Variants in PALM2AKAP2 observed in about 807,000 individuals in gnomAD.
PALM2AKAP2 encodes the protein PALM2-AKAP2 fusion protein.
Under a neutral mutation model 71.5 loss-of-function variants are expected in PALM2AKAP2, and 37 were observed. The observed-to-expected ratio is 0.52, with a 90% CI of 0.40 to 0.68. The LOEUF (loss-of-function observed/expected upper bound fraction) is 0.68. Among genes scored for constraint, PALM2AKAP2 ranks in the 30% least tolerant of loss-of-function variants. PALM2AKAP2 has a pLI of 0.00. For synonymous variants in PALM2AKAP2, 468 were observed against 478.8 expected (o/e 0.98, Z 0.29); for missense variants, 1,224 against 1,191.8 (o/e 1.03, Z -0.40).
chr9:109,781,076 C>G (rs950810869), intron 1 of PALM2AKAP2, among the ~76,000 whole-genome samples: 5 of 152,224 alleles, frequency 3.3e-5, no homozygotes, highest in African/African-American at 1.2e-4. Flanking sequence ...CCCTGGAGGT[C>G]TGGGGACTTC....
intron 1 of PALM2AKAP2, among the ~76,000 whole-genome samples, chr9:110,114,673 T>G (rs1018199881): frequency 1.3e-5 from 2 of 151,628 alleles, no homozygotes; most frequent in Non-Finnish European, 2.9e-5. Context: ...GAACAAAGAG[T>G]CTAAAACCTA....
At chr9:110,138,682 A>C in intron 2 of PALM2AKAP2, 143 bp downstream of exon 8, 2 of 1,427,670 alleles carry the variant, frequency 1.4e-6, no homozygotes, top group South Asian at 3.1e-5. Context: ...ATTCCAGCAT[A>C]CAGGGACATG....
chr9:109,960,587 G>A (rs1265516582), intron 6 of PALM2AKAP2, among the ~76,000 whole-genome samples: 1 of 152,138 alleles, frequency 6.6e-6, no homozygotes, highest in Admixed American at 6.5e-5. Flanking sequence ...AGTCTAGTCT[G>A]CACAACATAG....
rs187690881 is a variant in PALM2AKAP2 at position 109,945,415 on chromosome 9, G to T, written c.496+13387G>T. 3.3e-5 allele frequency: 5 copies of T among 152,274 alleles called. No individual in the cohort carries two copies. The East Asian group carries it at 9.6e-4, about 29-fold the overall frequency. The allele number at this position is 152,274 out of a possible 1,614,324, so 9.4% of individuals were successfully genotyped here. ...AAAGCAGCTGCAATGGAATAAAATT[G>T]CTATTTTATCGAGAAACCTGGTTTG... On this transcript the variant is annotated intron_variant, in intron 6 of 9. Transcript: ENST00000302798.
intron 1 of PALM2AKAP2, among the ~76,000 whole-genome samples, chr9:109,826,311 A>C (rs893605214): frequency 1.3e-5 from 2 of 152,160 alleles, no homozygotes; most frequent in African/African-American, 4.8e-5. Context: ...ACATGTATAC[A>C]TATGTAACAA....
intron 7 of PALM2AKAP2, among the ~76,000 whole-genome samples, chr9:110,043,176 C>G (rs988522542): frequency 7.9e-5 from 12 of 152,238 alleles, no homozygotes; most frequent in Admixed American, 7.9e-4. Context: ...CACCAACTCA[C>G]ACATAAACCC....
intron 6 of PALM2AKAP2, among the ~76,000 whole-genome samples, chr9:109,980,358 C>G (rs538418872): frequency 9.8e-5 from 15 of 152,286 alleles, no homozygotes; most frequent in African/African-American, 3.4e-4. Context: ...AAACTGCTCA[C>G]ATTCTTTTGC....
At chr9:109,838,766 A>G (rs1828561964) in intron 1 of PALM2AKAP2, among the ~76,000 whole-genome samples, 5 of 152,360 alleles carry the variant, frequency 3.3e-5, no homozygotes, top group Admixed American at 2.6e-4. Context: ...CAAATAAACT[A>G]GAAAATCTAG....
intron 3 of PALM2AKAP2, among the ~76,000 whole-genome samples, chr9:109,892,446 T>C (rs1289557404): frequency 6.6e-6 from 1 of 152,210 alleles, no homozygotes; most frequent in Non-Finnish European, 1.5e-5. Context: ...AAGGTCATAT[T>C]CATAGGTTCT....
At chr9:110,165,385 C>G (rs556156368) in intron 3 of PALM2AKAP2, among the ~76,000 whole-genome samples, 38 of 151,782 alleles carry the variant, frequency 2.5e-4, no homozygotes, top group Admixed American at 1.4e-3. Context: ...TTTGAATCTT[C>G]TGAAGACCAG....
chr9:110,001,206 G>T (rs1832675449), intron 6 of PALM2AKAP2, among the ~76,000 whole-genome samples: 1 of 152,150 alleles, frequency 6.6e-6, no homozygotes, highest in African/African-American at 2.4e-5. Flanking sequence ...TGTAAGGAAG[G>T]GATCCAGTTT....
At position 110,157,390 on chromosome 9, in the gene PALM2AKAP2, TTTGTTGTTG is replaced by T. The variant is rs56310157; in HGVS notation, c.2748+912_2748+920del. ...GGTTATTAATATCCCCTTCAACTCTTTTGTTGTTGTTGTTGTTGTTGTTGTTGAGACAGG... is the reference window on the plus strand; with the variant it reads ...GGTTATTAATATCCCCTTCAACTCTTTTGTTGTTGTTGTTGTTGAGACAGG... On this transcript the variant is annotated intron_variant, in intron 3 of 3. Coordinates refer to ENST00000374525, the Ensembl canonical transcript of PALM2AKAP2. Among the ~76,000 whole-genome samples, 9 of 149,800 alleles carry T rather than the reference TTTGTTGTTG, an allele frequency of 6.0e-5. No homozygotes were observed. The East Asian group carries it at 1.4e-3, about 23-fold the overall frequency.
chr9:109,811,269 C>T (rs1236693423), intron 1 of PALM2AKAP2, among the ~76,000 whole-genome samples: 1 of 151,948 alleles, frequency 6.6e-6, no homozygotes, highest in East Asian at 1.9e-4. Flanking sequence ...CTGAGTATGA[C>T]AGAGAGAGAG....
chr9:109,953,741 C>A (rs1935302), intron 6 of PALM2AKAP2, among the ~76,000 whole-genome samples: 126,552 of 151,160 alleles, frequency 0.84, 53,270 homozygotes, highest in African/African-American at 0.93. Flanking sequence ...AGGCTGAGGC[C>A]GGAGAATTGC....
At chr9:110,171,442 C>T (rs370535149) in exon 4 of PALM2AKAP2, 2 of 152,262 alleles carry the variant, frequency 1.3e-5, no homozygotes, top group East Asian at 3.8e-4. Context: ...TTACTGCTGT[C>T]TATCTTCTTG....
chr9:109,776,968 C>T (rs190487431), upstream of PALM2AKAP2, among the ~76,000 whole-genome samples: 1 of 152,216 alleles, frequency 6.6e-6, no homozygotes, highest in Admixed American at 6.5e-5. Context: ...GGTTCTAAAC[C>T]CATCCCTAAC....
chr9:109,697,452 T>C (rs879488428), intron 1 of PALM2AKAP2, among the ~76,000 whole-genome samples: 1 of 152,198 alleles, frequency 6.6e-6, no homozygotes, highest in East Asian at 1.9e-4. Flanking sequence ...ATACTTTTTC[T>C]ACCTTTTAAA....
In PALM2AKAP2 at chr9:109,759,564, G is replaced by A. The variant is rs188629886; in HGVS notation, c.6-20924G>A. ...AGGTGCTAGAATCTAAGATATTGGT[G>A]ACAGTAGAGAAGCAAACAAACAACA... On this transcript the variant is annotated intron_variant, in intron 1 of 6. Transcript: ENST00000374531. 2.6e-5 allele frequency among the ~76,000 whole-genome samples: 4 copies of A among 152,216 alleles called. No individual in the cohort carries two copies. The East Asian group carries it at 7.7e-4, about 29-fold the overall frequency.
intron 1 of PALM2AKAP2, among the ~76,000 whole-genome samples, chr9:109,829,678 C>T (rs910014501): frequency 6.6e-6 from 1 of 151,488 alleles, no homozygotes; most frequent in Admixed American, 6.6e-5. Context: ...GGCTACACAT[C>T]CTCTCTCCTG....
Sources: allele counts gnomAD v4.1 joint callset (sites outside exome capture counted in the v4.1 genomes callset), GRCh38; gene constraint gnomAD v4.1.1; transcripts MANE v1.5; gene names NCBI Gene and HGNC (gene_info 2026-07-23, HGNC 2026-07-21).